The following SLC9B1 variants were observed in gnomAD, a reference collection of about 807,000 sequenced individuals.
SLC9B1 encodes sodium/hydrogen exchanger 9B1.
Under a neutral mutation model 51.7 loss-of-function variants are expected in SLC9B1, and 32 were observed. The observed-to-expected ratio is 0.62, with a 90% CI of 0.47 to 0.83. The LOEUF (loss-of-function observed/expected upper bound fraction) is 0.83. SLC9B1 is among the 40% of genes least tolerant of loss of function. The pLI, the probability that SLC9B1 is intolerant of heterozygous loss-of-function variation, is 0.00. For synonymous variants in SLC9B1, 145 were observed against 212.7 expected (o/e 0.68, Z 2.77); for missense variants, 406 against 613.2 (o/e 0.66, Z 3.57).
chr4:102,998,501 T>C (rs997755450), intron 1 of SLC9B1, among the ~76,000 whole-genome samples: 1 of 152,332 alleles, frequency 6.6e-6, no homozygotes, highest in Non-Finnish European at 1.5e-5. Flanking sequence ...CAATATCTGT[T>C]TGAATCCCTG....
intron 11 of SLC9B1, chr4:102,889,838 T>C (rs990998882): frequency 6.6e-6 from 1 of 152,180 alleles, no homozygotes; most frequent in Non-Finnish European, 1.5e-5. Context: ...AATAGACATC[T>C]AATAACCAAA....
At chr4:102,975,134 T>C (rs1380419464) in intron 3 of SLC9B1, among the ~76,000 whole-genome samples, 1 of 152,186 alleles carries the variant, frequency 6.6e-6, no homozygotes, top group Non-Finnish European at 1.5e-5. Context: ...CCTGAGTAGC[T>C]GGGACTACAG....
At position 102,945,327 on chromosome 4, in the gene SLC9B1, CA is replaced by C; in HGVS notation, c.526-8del. 1 of 1,587,920 alleles carries C rather than the reference CA, an allele frequency of 6.3e-7. No homozygotes were observed. ...CCTTCAAATGCCTCAAAGCCTGAAA[CA>C]CAAAACAGTCACACTTAGATACATT... On this transcript the variant is annotated splice_polypyrimidine_tract_variant and splice_region_variant and intron_variant, in intron 5 of 11. Transcript: ENST00000296422.
At chr4:102,908,802 A>G in intron 9 of SLC9B1, among the ~76,000 whole-genome samples, 1 of 152,304 alleles carries the variant, frequency 6.6e-6, no homozygotes, top group Non-Finnish European at 1.5e-5. Context: ...CAAAAATTAT[A>G]TGCAATATAT....
At chr4:102,946,168 TG>T (rs1737256791) in intron 5 of SLC9B1, among the ~76,000 whole-genome samples, 1 of 152,248 alleles carries the variant, frequency 6.6e-6, no homozygotes, top group African/African-American at 2.4e-5. Context: ...TTTATCTCTG[TG>T]CAAATGATTA....
intron 3 of SLC9B1, among the ~76,000 whole-genome samples, chr4:102,971,921 C>A (rs1025698939): frequency 8.5e-5 from 13 of 152,092 alleles, no homozygotes; most frequent in African/African-American, 2.4e-4. Context: ...GAAATACACC[C>A]TCCTGAGACT....
rs192809003 is a variant in SLC9B1 at position 102,918,792 on chromosome 4, C to T, written c.830-7255G>A. 7.2e-4 allele frequency among the ~76,000 whole-genome samples: 109 copies of T among 152,252 alleles called. 2 individuals carry two copies. In the East Asian group the frequency reaches 0.017, roughly 24 times the overall value. On this transcript the variant is annotated intron_variant, in intron 7 of 11. Coordinates refer to ENST00000296422, the MANE Select transcript of SLC9B1 (RefSeq NM_139173.4). ...ATCTTGGACTTCTCACATTCCAGAA[C>T]GCAAGAAATAAATTTCTGTTGTTCA...
chr4:103,018,382 T>C (rs1014234194), intron 1 of SLC9B1, among the ~76,000 whole-genome samples: 4 of 152,154 alleles, frequency 2.6e-5, no homozygotes, highest in East Asian at 3.9e-4. Context: ...TAAATCTGTA[T>C]AGAATTTTAA....
chr4:102,887,029 C>T (rs1578317320), intron 11 of SLC9B1, among the ~76,000 whole-genome samples: 1 of 152,232 alleles, frequency 6.6e-6, no homozygotes, highest in East Asian at 1.9e-4. Flanking sequence ...AATAGGTGAG[C>T]TCGAATTTTA....
rs1578376932 is a variant in SLC9B1, at chr4:102,954,663, T to C, written c.212-5236A>G. ...AACAAAAGACAAATGAAAGATATTG[T>C]CAAACAAATACATTTAAGAACATAT... On this transcript the variant is annotated intron_variant, in intron 3 of 11. Transcript: ENST00000296422. 2.0e-5 allele frequency among the ~76,000 whole-genome samples: 3 copies of C among 152,148 alleles called. No individual in the cohort carries two copies. In the South Asian group the frequency reaches 6.2e-4, roughly 32 times the overall value.
chr4:102,983,808 T>C, intron 3 of SLC9B1, among the ~76,000 whole-genome samples: 1 of 152,130 alleles, frequency 6.6e-6, no homozygotes. Flanking sequence ...GCTTATCAAT[T>C]GTGTTGATCT....
chr4:102,968,422 C>A (rs1037621294), intron 3 of SLC9B1, among the ~76,000 whole-genome samples: 2 of 152,156 alleles, frequency 1.3e-5, no homozygotes, highest in African/African-American at 4.8e-5. Context: ...ATATTTATGA[C>A]CTTGGACTAA....
intron 1 of SLC9B1, among the ~76,000 whole-genome samples, chr4:102,998,361 C>T (rs554162714): frequency 6.6e-6 from 1 of 152,120 alleles, no homozygotes; most frequent in South Asian, 2.1e-4. Flanking sequence ...GTAGCATGTA[C>T]AGAATTTCCT....
At chr4:102,964,459 T>C (rs1304631165) in intron 3 of SLC9B1, among the ~76,000 whole-genome samples, 1 of 152,140 alleles carries the variant, frequency 6.6e-6, no homozygotes, top group East Asian at 1.9e-4. Flanking sequence ...ATATCAATAT[T>C]ACCCTGATAT....
chr4:103,005,232 A>T (rs1010170855), intron 1 of SLC9B1, among the ~76,000 whole-genome samples: 2 of 150,322 alleles, frequency 1.3e-5, no homozygotes, highest in Non-Finnish European at 2.9e-5. Flanking sequence ...CTCAAAGTAA[A>T]GGAATAGAGA....
chr4:102,970,605 T>G (rs2110498233), intron 3 of SLC9B1, among the ~76,000 whole-genome samples: 1 of 152,230 alleles, frequency 6.6e-6, no homozygotes, highest in African/African-American at 2.4e-5. Flanking sequence ...CCAGCTAACA[T>G]CATAATGACA....
chr4:102,898,750 C>G (rs533338976), downstream of SLC9B1, among the ~76,000 whole-genome samples: 3 of 152,222 alleles, frequency 2.0e-5, no homozygotes, highest in African/African-American at 7.2e-5. Context: ...TTTTTTGAGA[C>G]GGAGTCTCGC....
At chr4:102,885,160 C>T in exon 12 of SLC9B1, 1 of 1,331,382 alleles carries the variant, frequency 7.5e-7, no homozygotes, top group Non-Finnish European at 1.1e-6. Flanking sequence ...ACTAGACATG[C>T]TATTTTGAAT....
intron 1 of SLC9B1, among the ~76,000 whole-genome samples, chr4:103,011,827 A>G (rs1741099694): frequency 6.6e-6 from 1 of 152,032 alleles, no homozygotes; most frequent in Non-Finnish European, 1.5e-5. Context: ...GTTCCCATGG[A>G]CACCCTGGGC....
Sources: allele counts gnomAD v4.1 joint callset (sites outside exome capture counted in the v4.1 genomes callset), GRCh38; gene constraint gnomAD v4.1.1; transcripts MANE v1.5; gene names NCBI Gene and HGNC (gene_info 2026-07-23, HGNC 2026-07-21).